Variants in SLC25A28 observed in about 807,000 individuals in gnomAD.
The protein encoded by SLC25A28 is mitoferrin-2.
In SLC25A28, 10 loss-of-function variants were observed where a neutral mutation model predicts 31.9. The ratio of observed to expected loss-of-function variants is 0.31; its 90% CI spans 0.19 to 0.53. The LOEUF (loss-of-function observed/expected upper bound fraction) is 0.53, where lower values mean the gene tolerates loss of function less well. SLC25A28 is among the 20% of genes least tolerant of loss of function. The pLI, the probability that SLC25A28 is intolerant of heterozygous loss-of-function variation, is 0.95. For synonymous variants in SLC25A28, 208 were observed against 203.6 expected (o/e 1.02, Z -0.19); for missense variants, 256 against 490.3 (o/e 0.52, Z 4.51).
chr10:99,611,707 C>T lies in SLC25A28; in HGVS notation c.578-341G>A, dbSNP rs1215470704. Among the ~76,000 whole-genome samples, 1 of 152,160 alleles carries T rather than the reference C, an allele frequency of 6.6e-6. No homozygotes were observed. Among genetic ancestry groups the T allele is most frequent in the African/African-American group, 2.4e-5 (1 of 41,434 alleles). ...GATCTTACCCTCTAACAATTCCCAA[C>T]AAGAAATGACTCCATGATAGTGATC... On this transcript the variant is annotated intron_variant, in intron 3 of 3. Transcript: ENST00000370495. The surrounding 1 kb of genome is among the most constrained non-coding windows in gnomAD (Gnocchi z 5.5).
At chr10:99,655,422 A>T in the SLC25A28 span, among the ~76,000 whole-genome samples, 2 of 152,232 alleles carry the variant, frequency 1.3e-5, no homozygotes, top group African/African-American at 2.4e-5. Context: ...TTTAAAAACC[A>T]TATGAATTAA....
intron 1 of SLC25A28, chr10:99,616,200 A>AG (rs2034649266): frequency 1.0e-6 from 1 of 985,246 alleles, no homozygotes; most frequent in Admixed American, 6.1e-5. Context: ...CCCAGTAGAG[A>AG]GGTAAGTGGT....
In SLC25A28 at chr10:99,620,312, A is replaced by G; in HGVS notation, c.24T>C (p.Ala8=). Residue 8 remains alanine (A), a synonymous_variant, in exon 1 of 4, where the codon GCT becomes GCC. Transcript: ENST00000370495. ...CCGCCGGCCCCCCCGCCACACCGCC[A>G]GCACCCCGCCCCTCCAACTCCATCC... The part of the protein sequence containing the change: MELEGRG[A]GGVAGGPAAG... 7.1e-6 allele frequency: 3 copies of G among 421,446 alleles called. No homozygotes were observed. The highest frequency in any genetic ancestry group is 5.6e-6 in the Non-Finnish European group (2 of 356,038). 26.1% of individuals were successfully genotyped at this position (421,446 alleles called of 1,614,324 possible). A position where few individuals can be genotyped will look rare whatever the true frequency, so the allele number is the denominator to read the frequency against.
chr10:99,631,888 TTTA>T, the SLC25A28 span, among the ~76,000 whole-genome samples: 10 of 101,144 alleles, frequency 9.9e-5, 3 homozygotes, highest in African/African-American at 1.5e-4. Flanking sequence ...ATTTTTTTTT[TTTA>T]TTTTTTTTTT....
At chr10:99,656,246 G>A in the SLC25A28 span, among the ~76,000 whole-genome samples, 1 of 152,208 alleles carries the variant, frequency 6.6e-6, no homozygotes, top group African/African-American at 2.4e-5. Flanking sequence ...GGAGGGGCAT[G>A]GGTCTGGGGG....
the SLC25A28 span, among the ~76,000 whole-genome samples, chr10:99,627,687 C>T: frequency 6.6e-6 from 1 of 152,072 alleles, no homozygotes; most frequent in African/African-American, 2.4e-5. Context: ...AGTGATCTCC[C>T]ACTTCAGCCT....
chr10:99,612,219 C>T (rs2034542558), intron 3 of SLC25A28, among the ~76,000 whole-genome samples: 1 of 152,204 alleles, frequency 6.6e-6, no homozygotes, highest in Non-Finnish European at 1.5e-5. Flanking sequence ...CAGAATCCAT[C>T]TTCACCTCTT....
chr10:99,610,946 A>G lies in SLC25A28; in HGVS notation c.998T>C (p.Ile333Thr). The change falls in exon 4 of 4, where the codon ATT becomes ACT. Residue 333 changes from isoleucine to threonine, a missense_variant. Physicochemically the swap from Ile to Thr is moderately conservative, Grantham distance 89 (BLOSUM62 -1). This residue lies in a region of SLC25A28 where 158 missense variants were observed against 379.1 expected (regional missense o/e 0.42). Coordinates refer to ENST00000370495, the MANE Select transcript of SLC25A28 (RefSeq NM_031212.4). ...AYFRGVQARV[I>T]YQIPSTAIAW... Reference sequence around the variant, plus strand: ...GATGGCTGTGGAGGGGATCTGGTAAATTACTCTGGCCTGCACCCCTCGGAA... The same window carrying G: ...GATGGCTGTGGAGGGGATCTGGTAAGTTACTCTGGCCTGCACCCCTCGGAA... The G allele has an allele frequency of 6.2e-7, 1 of 1,614,178 alleles. No homozygotes were observed. Among genetic ancestry groups the G allele is most frequent in the Non-Finnish European group, 8.5e-7 (1 of 1,180,040 alleles).
Position 99,610,828 on chromosome 10 carries a change from C to A in SLC25A28, c.*21G>T. On this transcript the variant is annotated 3_prime_UTR_variant, in exon 4 of 4. Transcript: ENST00000370495. ...GGATGCAGCAGTGTCATCTGAACCCCTGGCTTCGTTCAGTGCTACTTCACT... is the reference window on the plus strand; with the variant it reads ...GGATGCAGCAGTGTCATCTGAACCCATGGCTTCGTTCAGTGCTACTTCACT... 6.2e-7 allele frequency: 1 copy of A among 1,603,514 alleles called. No individual in the cohort carries two copies. Among genetic ancestry groups the A allele is most frequent in the South Asian group, 1.1e-5 (1 of 90,018 alleles).
chr10:99,642,897 T>TG, the SLC25A28 span, among the ~76,000 whole-genome samples: 1 of 152,248 alleles, frequency 6.6e-6, no homozygotes, highest in African/African-American at 2.4e-5. Context: ...CAACCAGCCT[T>TG]GCATCCTAGG....
chr10:99,620,509 A>T (rs766658742), upstream of SLC25A28: 128 of 1,040,428 alleles, frequency 1.2e-4, no homozygotes, highest in Non-Finnish European at 1.4e-4. Flanking sequence ...ACGCCAAGTT[A>T]GACCCACCCC....
At chr10:99,639,103 A>AATAT in the SLC25A28 span, among the ~76,000 whole-genome samples, 2 of 151,510 alleles carry the variant, frequency 1.3e-5, no homozygotes, top group South Asian at 4.2e-4. Context: ...AACATATATA[A>AATAT]ATATATATAT....
the SLC25A28 span, among the ~76,000 whole-genome samples, chr10:99,637,284 T>A: frequency 1.3e-5 from 2 of 152,168 alleles, no homozygotes; most frequent in Non-Finnish European, 2.9e-5. Context: ...ACATGGGACA[T>A]ACCTCAATGT....
the SLC25A28 span, among the ~76,000 whole-genome samples, chr10:99,631,887 T>TTA: frequency 1.0e-5 from 1 of 99,780 alleles, no homozygotes; most frequent in South Asian, 4.0e-4. Context: ...TATTTTTTTT[T>TTA]TTTATTTTTT....
the SLC25A28 span, among the ~76,000 whole-genome samples, chr10:99,646,500 G>A: frequency 6.6e-6 from 1 of 152,176 alleles, no homozygotes; most frequent in African/African-American, 2.4e-5. Context: ...CCAACCCCTT[G>A]TGCTTCCCAG....
chr10:99,630,752 G>A, the SLC25A28 span, among the ~76,000 whole-genome samples: 31 of 152,240 alleles, frequency 2.0e-4, no homozygotes, highest in African/African-American at 7.5e-4. Flanking sequence ...CTTCTCTGGT[G>A]GAGCTTAAAG....
the SLC25A28 span, among the ~76,000 whole-genome samples, chr10:99,635,399 C>G: frequency 6.6e-6 from 1 of 152,124 alleles, no homozygotes; most frequent in African/African-American, 2.4e-5. Flanking sequence ...AACTCACCAA[C>G]TGCTGGGCAC....
chr10:99,639,411 C>G, the SLC25A28 span, among the ~76,000 whole-genome samples: 2 of 151,848 alleles, frequency 1.3e-5, no homozygotes, highest in Non-Finnish European at 2.9e-5. Context: ...ATGGGTGCAC[C>G]AAAATCTCAC....
the SLC25A28 span, among the ~76,000 whole-genome samples, chr10:99,656,299 G>A: frequency 6.6e-6 from 1 of 152,162 alleles, no homozygotes; most frequent in Non-Finnish European, 1.5e-5. Flanking sequence ...ATCTTGGAGA[G>A]GATTTTAGGC....
Sources: gnomAD v4.1 joint callset for allele counts (sites outside exome capture counted in the v4.1 genomes callset) on GRCh38, gnomAD v4.1.1 for gene constraint, gnomAD v4.1.1 regional missense constraint, Gnocchi (gnomAD v3.1) non-coding constraint, MANE v1.5 for transcripts, NCBI Gene and HGNC (gene_info 2026-07-23, HGNC 2026-07-21) for gene names.